Variants in RUNDC3B observed in about 807,000 individuals in gnomAD.
The protein encoded by RUNDC3B is RUN domain-containing protein 3B.
RUNDC3B carries 33 observed loss-of-function variants against 58.4 expected under a neutral mutation model. That is an observed-to-expected ratio of 0.56 (90% confidence interval 0.43 to 0.75). The LOEUF (loss-of-function observed/expected upper bound fraction) is 0.75. RUNDC3B is among the 30% of genes least tolerant of loss of function. The probability of loss-of-function intolerance (pLI) is 0.00; values close to 1 mark genes in which losing one functional copy is unlikely to be tolerated. For synonymous variants in RUNDC3B, 193 were observed against 195.2 expected, an observed-to-expected ratio of 0.99 and a Z score of 0.10; for missense variants, 501 against 535.7, an observed-to-expected ratio of 0.94 and a Z score of 0.64.
chr7:87,762,230 T>C (rs930287864), intron 6 of RUNDC3B, among the ~76,000 whole-genome samples: 3 of 151,684 alleles, frequency 2.0e-5, no homozygotes, highest in South Asian at 2.1e-4. Flanking sequence ...ATTATTCATA[T>C]AGTTTTTCTC....
intron 8 of RUNDC3B, among the ~76,000 whole-genome samples, chr7:87,801,722 T>C (rs1836167452): frequency 1.3e-5 from 2 of 152,134 alleles, no homozygotes; most frequent in South Asian, 4.1e-4. Flanking sequence ...TGAACTGAGA[T>C]TGTGCCACTG....
intron 4 of RUNDC3B, among the ~76,000 whole-genome samples, chr7:87,728,376 A>C (rs879602408): frequency 6.6e-6 from 1 of 152,136 alleles, no homozygotes; most frequent in East Asian, 1.9e-4. Flanking sequence ...TTAGTTTCCT[A>C]TTGTTACCTG....
rs576518096 is a variant in RUNDC3B at position 87,821,573 on chromosome 7, G to A, written c.1225+5311G>A. 3.2e-3 allele frequency among the ~76,000 whole-genome samples: 488 copies of A among 152,216 alleles called. 1 individual carries two copies. Among genetic ancestry groups the A allele is most frequent in the African/African-American group, 0.01 (421 of 41,536 alleles). ...TTCATGTGGAATCAAAAAAGAGCCCGCATCGCCAAGTCAATCCTAAGCCAA... is the reference window on the plus strand; with the variant it reads ...TTCATGTGGAATCAAAAAAGAGCCCACATCGCCAAGTCAATCCTAAGCCAA... On this transcript the variant is annotated intron_variant, in intron 10 of 10. Coordinates refer to ENST00000394654, the MANE Select transcript of RUNDC3B (RefSeq NM_001134405.2).
chr7:87,752,733 A>AT (rs1431505105), intron 6 of RUNDC3B, among the ~76,000 whole-genome samples: 1 of 151,802 alleles, frequency 6.6e-6, no homozygotes, highest in Admixed American at 6.6e-5. Context: ...CCCCTTTATC[A>AT]TTTTTTATTG....
chr7:87,657,648 A>G (rs1308996033), intron 2 of RUNDC3B, among the ~76,000 whole-genome samples: 2 of 152,160 alleles, frequency 1.3e-5, no homozygotes, highest in Non-Finnish European at 2.9e-5. Flanking sequence ...ATCTTCATCC[A>G]AAAGTAATGT....
intron 8 of RUNDC3B, among the ~76,000 whole-genome samples, chr7:87,787,605 T>C (rs1835291136): frequency 6.6e-6 from 1 of 152,100 alleles, no homozygotes. Flanking sequence ...TAGTGTGGAG[T>C]ATTACAGGAG....
At chr7:87,825,734 C>T (rs1837770034) in intron 10 of RUNDC3B, among the ~76,000 whole-genome samples, 1 of 152,166 alleles carries the variant, frequency 6.6e-6, no homozygotes, top group Non-Finnish European at 1.5e-5. Context: ...GTGGAGCTGC[C>T]CAAGACCATG....
intron 10 of RUNDC3B, among the ~76,000 whole-genome samples, chr7:87,828,691 G>C (rs1290785736): frequency 6.6e-6 from 1 of 152,118 alleles, no homozygotes; most frequent in African/African-American, 2.4e-5. Context: ...ACATATGAGT[G>C]CATATGTCTT....
chr7:87,686,721 T>G (rs2130620942), intron 2 of RUNDC3B, among the ~76,000 whole-genome samples: 1 of 151,622 alleles, frequency 6.6e-6, no homozygotes, highest in Middle Eastern at 3.4e-3. Context: ...GGCAGATCAC[T>G]TGAGGCCCAG....
chr7:87,802,070 T>A (rs1836192687), intron 8 of RUNDC3B, among the ~76,000 whole-genome samples: 1 of 152,214 alleles, frequency 6.6e-6, no homozygotes. Context: ...TATATTGTAT[T>A]GCATTGTATT....
intron 4 of RUNDC3B, among the ~76,000 whole-genome samples, chr7:87,736,889 ATTTTTTTTT>A (rs869109911): frequency 3.5e-5 from 1 of 28,220 alleles, no homozygotes; most frequent in Non-Finnish European, 5.7e-5. Flanking sequence ...ATATATATAT[ATTTTTTTTT>A]TTTTTTTTTT....
At chr7:87,717,340 A>C (rs1220674499) in intron 4 of RUNDC3B, among the ~76,000 whole-genome samples, 1 of 152,040 alleles carries the variant, frequency 6.6e-6, no homozygotes. Context: ...ACAAACAGAA[A>C]AAATAAAGGA....
chr7:87,694,447 T>C lies in RUNDC3B; in HGVS notation c.239-5974T>C, dbSNP rs529137396. Among the ~76,000 whole-genome samples the C allele has an allele frequency of 7.2e-5, 11 of 152,346 alleles. No individual in the cohort carries two copies. In the Middle Eastern group the frequency reaches 0.01, roughly 141 times the overall value. ...GCAAAACACTGCTGGACCTTTGTACTTAATGATCTAGCTTTCTGTATTTTT... is the reference window on the plus strand; with the variant it reads ...GCAAAACACTGCTGGACCTTTGTACCTAATGATCTAGCTTTCTGTATTTTT... On this transcript the variant is annotated intron_variant, in intron 2 of 10. Transcript: ENST00000394654.
chr7:87,764,479 G>A (rs557803827), intron 6 of RUNDC3B, among the ~76,000 whole-genome samples: 6 of 151,872 alleles, frequency 4.0e-5, no homozygotes, highest in African/African-American at 1.4e-4. Context: ...TTGCTTAATG[G>A]TGAGCTTTGG....
intron 4 of RUNDC3B, chr7:87,713,320 G>A (rs1830259533): frequency 6.6e-6 from 1 of 152,116 alleles, no homozygotes. Flanking sequence ...TAATACAAGT[G>A]TTTATCCCAG....
chr7:87,816,266 A>G lies in RUNDC3B; in HGVS notation c.1225+4A>G, dbSNP rs774636929. The G allele has an allele frequency of 7.5e-5, 120 of 1,604,232 alleles. No homozygotes were observed. The highest frequency in any genetic ancestry group is 9.6e-5 in the Non-Finnish European group (113 of 1,175,324). On this transcript the variant is annotated splice_donor_region_variant and intron_variant, in intron 10 of 10. Coordinates refer to ENST00000394654, the MANE Select transcript of RUNDC3B (RefSeq NM_001134405.2). ...ACATTAAATGTAATGAGTGAAGGTA[A>G]GAAAACAAAGAACTATTTGAAAATT...
At chr7:87,814,916 A>AAT (rs1195230950) in intron 9 of RUNDC3B, among the ~76,000 whole-genome samples, 1 of 152,160 alleles carries the variant, frequency 6.6e-6, no homozygotes, top group Non-Finnish European at 1.5e-5. Context: ...ATTCATTATG[A>AAT]ATATATGTTG....
chr7:87,652,621 G>GAGATATATATATATATATAT lies in RUNDC3B; in HGVS notation c.238+1685_238+1686insGATATATATATATATATATA, dbSNP rs374832268. On this transcript the variant is annotated intron_variant, in intron 2 of 10. Coordinates refer to ENST00000394654, the MANE Select transcript of RUNDC3B (RefSeq NM_001134405.2). ...CTGTCAGTTGACTCTTGTGGTCACT[G>GAGATATATATATATATATAT]ATATATATATATATATATATATATA... Among the ~76,000 whole-genome samples the GAGATATATATATATATATAT allele has an allele frequency of 3.7e-3, 459 of 125,260 alleles. 4 individuals carry two copies. Among genetic ancestry groups the GAGATATATATATATATATAT allele is most frequent in the African/African-American group, 0.015 (433 of 29,002 alleles). The allele number at this position is 125,260 out of a possible 152,430, so 82.2% of individuals were successfully genotyped here.
At chr7:87,690,257 CATTA>C (rs1827886801) in intron 2 of RUNDC3B, among the ~76,000 whole-genome samples, 1 of 151,996 alleles carries the variant, frequency 6.6e-6, no homozygotes, top group Non-Finnish European at 1.5e-5. Flanking sequence ...AGAGTATTTT[CATTA>C]ATAGTTGTCA....
Sources: gnomAD v4.1 joint callset for allele counts (sites outside exome capture counted in the v4.1 genomes callset) on GRCh38, gnomAD v4.1.1 for gene constraint, MANE v1.5 for transcripts, NCBI Gene and HGNC (gene_info 2026-07-23, HGNC 2026-07-21) for gene names.